NKTR: variants seen among roughly 807,000 people sequenced by gnomAD.
NKTR encodes natural killer cell triggering receptor.
Under a neutral mutation model 156.3 loss-of-function variants are expected in NKTR, and 67 were observed. That is an observed-to-expected ratio of 0.43 (90% CI 0.35 to 0.53). The LOEUF (loss-of-function observed/expected upper bound fraction) is 0.53. Among genes scored for constraint, NKTR ranks in the 20% least tolerant of loss-of-function variants. The pLI, the probability that NKTR is intolerant of heterozygous loss-of-function variation, is 0.01. For synonymous variants in NKTR, 640 were observed against 596.6 expected (o/e 1.07, Z -1.06); for missense variants, 1,604 against 1,730.9 (o/e 0.93, Z 1.30).
In NKTR at chr3:42,637,925, T is replaced by G; in HGVS notation, c.2221T>G (p.Ser741Ala). The part of the protein sequence containing the change: ...KYSDHSQCSR[S>A]SSYTSISSDD... Reference sequence around the variant, plus strand: ...CAGTGATCATTCACAGTGTAGTAGATCATCTTCATATACTTCTATTAGCAG... The same window carrying G: ...CAGTGATCATTCACAGTGTAGTAGAGCATCTTCATATACTTCTATTAGCAG... The change falls in exon 13 of 17, where the codon TCA becomes GCA. Residue 741 changes from serine to alanine, a missense_variant. Ser to Ala is a moderately conservative substitution (Grantham distance 99). Around this residue, in one of 6 missense-constraint regions of NKTR, gnomAD observed 1,255 missense variants for 1,243.7 expected, o/e 1.01. Coordinates refer to ENST00000232978, the MANE Select transcript of NKTR (RefSeq NM_005385.4). 6.2e-7 allele frequency: 1 copy of G among 1,614,022 alleles called. No individual in the cohort carries two copies. Among genetic ancestry groups the G allele is most frequent in the South Asian group, 1.1e-5 (1 of 91,080 alleles).
intron 2 of NKTR, among the ~76,000 whole-genome samples, chr3:42,615,195 C>T (rs1051138661): frequency 2.6e-5 from 4 of 151,898 alleles, no homozygotes; most frequent in African/African-American, 9.7e-5. Flanking sequence ...TCTTTTGCCT[C>T]AGCCTCCCGA....
intron 10 of NKTR, among the ~76,000 whole-genome samples, chr3:42,634,244 G>A (rs1046105659): frequency 2.0e-5 from 3 of 152,230 alleles, no homozygotes; most frequent in East Asian, 1.9e-4. Flanking sequence ...TGAATGTGTC[G>A]CTTTAGATTT....
chr3:42,629,371 T>G, intron 6 of NKTR: 1 of 943,920 alleles, frequency 1.1e-6, no homozygotes, highest in Non-Finnish European at 1.3e-6. Flanking sequence ...ATTTTAATTT[T>G]TTTAAATTAA....
At chr3:42,625,682 C>G (rs1300841205) in intron 6 of NKTR, among the ~76,000 whole-genome samples, 2 of 152,100 alleles carry the variant, frequency 1.3e-5, no homozygotes. Flanking sequence ...TGTTAATAAC[C>G]TGAGAAGCTC....
At chr3:42,645,292 A>G (rs1710254565) in intron 16 of NKTR, among the ~76,000 whole-genome samples, 1 of 152,204 alleles carries the variant, frequency 6.6e-6, no homozygotes, top group African/African-American at 2.4e-5. Flanking sequence ...CAGCATTTGC[A>G]TGAATGAATT....
In NKTR at chr3:42,636,874, T is replaced by G; in HGVS notation, c.1170T>G (p.Ser390Arg). The G allele has an allele frequency of 6.4e-7, 1 of 1,560,596 alleles. No homozygotes were observed. The highest frequency in any genetic ancestry group is 8.6e-7 in the Non-Finnish European group (1 of 1,160,940). Residue 390 changes from serine (S) to arginine (R), a missense_variant, in exon 13 of 17, where the codon AGT becomes AGG. Transcript: ENST00000232978. Reference protein sequence around the residue: ...GEKWSKGDKLSDPCSSRWDER... With the variant: ...GEKWSKGDKLRDPCSSRWDER... ...TATTATGTCCTTTCTATAGGTTAAGTGACCCCTGTTCAAGCCGATGGGATG... is the reference window on the plus strand; with the variant it reads ...TATTATGTCCTTTCTATAGGTTAAGGGACCCCTGTTCAAGCCGATGGGATG...
intron 5 of NKTR, chr3:42,620,325 T>G: frequency 8.6e-7 from 1 of 1,165,450 alleles, no homozygotes; most frequent in Middle Eastern, 3.4e-4. Context: ...TTCAAAGGTT[T>G]GTATGTTTTC....
At chr3:42,624,349 CAGT>C (rs761559535) in intron 6 of NKTR, among the ~76,000 whole-genome samples, 44 of 151,746 alleles carry the variant, frequency 2.9e-4, no homozygotes, top group Non-Finnish European at 5.4e-4. Flanking sequence ...ACTAAAGAAA[CAGT>C]GGTTTTATTT....
At chr3:42,624,406 C>A (rs1708185739) in intron 6 of NKTR, among the ~76,000 whole-genome samples, 1 of 151,524 alleles carries the variant, frequency 6.6e-6, no homozygotes, top group Non-Finnish European at 1.5e-5. Flanking sequence ...CTAAAGTTAC[C>A]AAGTTAATTT....
chr3:42,624,716 C>T (rs1708217814), intron 6 of NKTR, among the ~76,000 whole-genome samples: 1 of 151,988 alleles, frequency 6.6e-6, no homozygotes, highest in African/African-American at 2.4e-5. Context: ...TTTTATTAAC[C>T]ACTCTGCTCT....
chr3:42,604,241 G>T (rs1293007937), intron 2 of NKTR, among the ~76,000 whole-genome samples: 1 of 152,154 alleles, frequency 6.6e-6, no homozygotes, highest in Non-Finnish European at 1.5e-5. Context: ...CAGAGAACCA[G>T]ATTTTGATCT....
intron 1 of NKTR, 81 bp from the exon 2 acceptor site, chr3:42,600,903 T>G: frequency 1.2e-6 from 1 of 869,042 alleles, no homozygotes; most frequent in Non-Finnish European, 1.6e-6. Flanking sequence ...GGCGCGGACT[T>G]CGTCTCAGCC....
intron 2 of NKTR, among the ~76,000 whole-genome samples, chr3:42,613,533 C>A (rs1228235010): frequency 6.6e-6 from 1 of 152,160 alleles, no homozygotes; most frequent in Non-Finnish European, 1.5e-5. Flanking sequence ...AATTGATGCT[C>A]ACTTTTCCAA....
At chr3:42,631,458 T>C in intron 8 of NKTR, 142 bp downstream of exon 8, 2 of 950,434 alleles carry the variant, frequency 2.1e-6, no homozygotes, top group East Asian at 2.7e-5. Flanking sequence ...TTTAATCTTT[T>C]AGCATATCTT....
rs1710400964 is a variant in NKTR, at chr3:42,647,268, G to GTGTGTGTC, written c.*1300_*1301insCTGTGTGT. ...AAAATAATTGGACCTGTAAAAACTA[G>GTGTGTGTC]TGTGTGTGTGTGTGTGTGTGTGTGT... On this transcript the variant is annotated 3_prime_UTR_variant, in exon 17 of 17. Transcript: ENST00000232978. The GTGTGTGTC allele has an allele frequency of 3.5e-5, 1 of 28,438 alleles. No individual in the cohort carries two copies. Among genetic ancestry groups the GTGTGTGTC allele is most frequent in the African/African-American group, 1.2e-4 (1 of 8,184 alleles). 1.8% of individuals were successfully genotyped at this position (28,438 alleles called of 1,614,324 possible).
At position 42,632,678 on chromosome 3, in the gene NKTR, T is replaced by C; in HGVS notation, c.628T>C (p.Ser210Pro). Residue 210 changes from serine to proline, a missense_variant, in exon 9 of 17, where the codon TCA becomes CCA. Transcript: ENST00000232978. ...SSSNSSSSSE[S>P]SSESELEHER... The stretch of plus-strand genomic sequence containing the variant: ...TTCCAATTCCTCCTCTTCTTCAGAA[T>C]CATCTTCAGAAAGTGAACTTGAACA... 1 of 1,613,972 alleles carries C rather than the reference T, an allele frequency of 6.2e-7. No homozygotes were observed. The highest frequency in any genetic ancestry group is 8.5e-7 in the Non-Finnish European group (1 of 1,179,902).
At chr3:42,634,522 G>C in intron 10 of NKTR, 91 bp from the exon 11 acceptor site, 3 of 645,716 alleles carry the variant, frequency 4.6e-6, no homozygotes, top group Non-Finnish European at 7.7e-6. Context: ...ATGTATCTTT[G>C]AATTAATAGC....
At chr3:42,642,426 G>T (rs575219267) in intron 13 of NKTR, 75 bp from the exon 14 acceptor site, 2 of 1,113,430 alleles carry the variant, frequency 1.8e-6, no homozygotes, top group East Asian at 2.4e-5. Context: ...TCCCCTTTCT[G>T]CCCTACCAGT....
chr3:42,629,596 T>A, intron 6 of NKTR: 1 of 980,220 alleles, frequency 1.0e-6, no homozygotes. Flanking sequence ...TCTAGTGATA[T>A]TTTTCTCTCT....
Sources: gnomAD v4.1 joint callset for allele counts (sites outside exome capture counted in the v4.1 genomes callset) on GRCh38, gnomAD v4.1.1 for gene constraint, gnomAD v4.1.1 regional missense constraint, MANE v1.5 for transcripts, NCBI Gene and HGNC (gene_info 2026-07-23, HGNC 2026-07-21) for gene names.